Variants in BCLAF3 observed in about 807,000 individuals in gnomAD.
The protein encoded by BCLAF3 is BCLAF1 and THRAP3 family member 3.
BCLAF3 carries 24 observed loss-of-function variants against 51.2 expected under a neutral mutation model. The observed-to-expected ratio is 0.47, with a 90% CI of 0.34 to 0.66. BCLAF3 has a LOEUF of 0.66. Ranked by LOEUF, BCLAF3 falls within the 30% of genes least tolerant of loss-of-function variation. The pLI, the probability that BCLAF3 is intolerant of heterozygous loss-of-function variation, is 0.01. For synonymous variants in BCLAF3, 152 were observed against 176.6 expected, an observed-to-expected ratio of 0.86 and a Z score of 1.10; for missense variants, 465 against 525.1, an observed-to-expected ratio of 0.89 and a Z score of 1.12.
intron 8 of BCLAF3, among the ~76,000 whole-genome samples, chrX:19,940,138 T>C (rs1318322544): frequency 8.9e-6 from 1 of 112,292 alleles, no homozygotes; most frequent in African/African-American, 3.2e-5. Context: ...TATTTGATTT[T>C]TGACCAGGCA....
chrX:19,966,809 G>A (rs1849299836), intron 2 of BCLAF3, among the ~76,000 whole-genome samples, 160 bp from the exon 3 acceptor site: 1 of 110,918 alleles, frequency 9.0e-6, no homozygotes, highest in Non-Finnish European at 1.9e-5. Context: ...TGTACATCTG[G>A]GGGTCTGATT....
intron 7 of BCLAF3, among the ~76,000 whole-genome samples, chrX:19,952,177 A>T (rs1157067675): frequency 2.7e-5 from 3 of 111,920 alleles, no homozygotes; most frequent in Non-Finnish European, 5.6e-5. Context: ...TGAGTATAGG[A>T]CTTTGATGAT....
At chrX:19,936,803 G>C (rs2070778308) in intron 9 of BCLAF3, among the ~76,000 whole-genome samples, 1 of 111,407 alleles carries the variant, frequency 9.0e-6, no homozygotes, top group Non-Finnish European at 1.9e-5. Flanking sequence ...AGTGTTGGTT[G>C]GGGGTGGCAA....
chrX:19,989,918 C>A (rs2072896252), intron 1 of BCLAF3, among the ~76,000 whole-genome samples: 1 of 109,370 alleles, frequency 9.1e-6, no homozygotes. Context: ...ATTTTAGTAG[C>A]CATTTAAAAA....
chrX:19,982,549 T>TCA (rs60433883), intron 1 of BCLAF3, among the ~76,000 whole-genome samples: 1,577 of 97,161 alleles, frequency 0.016, 9 homozygotes, highest in South Asian at 0.054. Flanking sequence ...AGATGCAATT[T>TCA]CACACACACA....
Position 19,935,732 on chromosome X carries a change from GAT to G in BCLAF3, c.1950+75_1950+76del, listed in dbSNP as rs1173853845. ...GAAAGCATATTACAAAACAGCTCTT[GAT>G]TTACTAACACTTAAAACATTGTGTC... On this transcript the variant is annotated intron_variant, in intron 10 of 11. Coordinates refer to ENST00000379682, the MANE Select transcript of BCLAF3 (RefSeq NM_001367774.2). 3.7e-6 allele frequency: 3 copies of G among 817,180 alleles called. No homozygotes were observed. The African/African-American group carries it at 6.2e-5, about 17-fold the overall frequency. 67.3% of individuals were successfully genotyped at this position (817,180 alleles called of 1,213,427 possible).
chrX:19,952,338 T>C (rs1303052120), intron 7 of BCLAF3, among the ~76,000 whole-genome samples: 1 of 110,223 alleles, frequency 9.1e-6, no homozygotes, highest in Non-Finnish European at 1.9e-5. Context: ...CTCTTTATCC[T>C]CAATGAATAA....
intron 1 of BCLAF3, among the ~76,000 whole-genome samples, chrX:19,974,261 C>T (rs1001430828): frequency 1.8e-5 from 2 of 112,477 alleles, no homozygotes; most frequent in Non-Finnish European, 3.8e-5. Context: ...CCAATAAAGT[C>T]GAACATGCCC....
At chrX:19,937,586 A>C in intron 8 of BCLAF3, 54 bp from the exon 9 acceptor site, 1 of 641,043 alleles carries the variant, frequency 1.6e-6, no homozygotes, top group Non-Finnish European at 2.4e-6. Context: ...CTTTTTTTCC[A>C]AGAAATAAAC....
intron 4 of BCLAF3, among the ~76,000 whole-genome samples, chrX:19,961,209 C>T (rs2071843286): frequency 8.9e-6 from 1 of 112,610 alleles, no homozygotes; most frequent in Non-Finnish European, 1.9e-5. Context: ...TAGAAATTTT[C>T]ATACTGTGAT....
intron 8 of BCLAF3, 108 bp downstream of exon 8, chrX:19,950,644 AG>A (rs2071447053): frequency 1.0e-5 from 5 of 486,611 alleles, no homozygotes; most frequent in Non-Finnish European, 1.7e-5. Flanking sequence ...ATGGATTTGA[AG>A]GAGCAAATCC....
chrX:19,925,700 T>C (rs1018179518), intron 11 of BCLAF3, among the ~76,000 whole-genome samples: 1 of 111,939 alleles, frequency 8.9e-6, no homozygotes, highest in African/African-American at 3.2e-5. Context: ...GTCCCTCATT[T>C]AAGGGAAACG....
chrX:19,963,233 G>A (rs1363579681), intron 4 of BCLAF3, among the ~76,000 whole-genome samples: 39 of 98,397 alleles, frequency 4.0e-4, no homozygotes, highest in Admixed American at 1.0e-3. Context: ...AGGCTGGGGT[G>A]CAGTGGCATG....
chrX:19,917,143 T>C lies in BCLAF3; in HGVS notation c.*162A>G. 4 of 500,556 alleles carry C rather than the reference T, an allele frequency of 8.0e-6. No homozygotes were observed. Among genetic ancestry groups the C allele is most frequent in the Non-Finnish European group, 6.9e-6 (2 of 288,541 alleles). 41.3% of individuals were successfully genotyped at this position (500,556 alleles called of 1,213,427 possible). ...AATACTGTAATTTAAAAGCAATTGT[T>C]AGGTGTAAAAAAGTTGCAGCATTCC... On this transcript the variant is annotated 3_prime_UTR_variant, in exon 12 of 12. Coordinates refer to ENST00000379682, the MANE Select transcript of BCLAF3 (RefSeq NM_001367774.2).
At chrX:19,972,027 A>G (rs1322719104) in intron 1 of BCLAF3, among the ~76,000 whole-genome samples, 1 of 112,343 alleles carries the variant, frequency 8.9e-6, no homozygotes, top group African/African-American at 3.2e-5. Context: ...AACTTGAACT[A>G]GATCACTCAT....
In BCLAF3 at chrX:19,966,085, C is replaced by A. The variant is rs759850655; in HGVS notation, c.606G>T (p.Gln202His). Residue 202 changes from glutamine (Q) to histidine (H), a missense_variant, in exon 3 of 12, where the codon CAG (glutamine) becomes CAT (histidine). Transcript: ENST00000379682. ...SEDFETRSSF[Q>H]KRYPEDRDFR... ...GGTTTAATGTTTTCCTATACCTCTT[C>A]TGAAATGAGCTCCTTGTCTCAAAGT... 2.5e-6 allele frequency: 3 copies of A among 1,205,303 alleles called. No individual in the cohort carries two copies. Among genetic ancestry groups the A allele is most frequent in the Middle Eastern group, 2.3e-4 (1 of 4,318 alleles).
Position 19,965,221 on chromosome X carries a change from T to C in BCLAF3, c.1097A>G (p.Asn366Ser), listed in dbSNP as rs368472068. The change falls in exon 4 of 12, where the codon AAT becomes AGT. Residue 366 changes from asparagine to serine, a missense_variant. Coordinates refer to ENST00000379682, the MANE Select transcript of BCLAF3 (RefSeq NM_001367774.2). ...CTTTATTTTTTCCTTCCATTTGTCA[T>C]TACTAGATCGCAAATCAACATCATT... is the stretch of plus-strand genomic sequence containing the variant. ...NKNDVDLRSS[N>S]DKWKEKIKKE... is the part of the protein sequence containing the mutation. The C allele has an allele frequency of 3.3e-6, 4 of 1,205,651 alleles. No individual in the cohort carries two copies. The African/African-American group carries it at 7.1e-5, about 21-fold the overall frequency.
At chrX:19,947,007 A>G (rs2071331745) in intron 8 of BCLAF3, among the ~76,000 whole-genome samples, 1 of 112,537 alleles carries the variant, frequency 8.9e-6, no homozygotes, top group African/African-American at 3.2e-5. Flanking sequence ...CTGCTATTAA[A>G]TTATAAGTAA....
At chrX:19,963,260 G>T (rs2071926903) in intron 4 of BCLAF3, among the ~76,000 whole-genome samples, 1 of 100,774 alleles carries the variant, frequency 9.9e-6, no homozygotes, top group African/African-American at 3.6e-5. Flanking sequence ...GCTCACTGCA[G>T]CCTCAAACTC....
Sources: allele counts gnomAD v4.1 joint callset (sites outside exome capture counted in the v4.1 genomes callset), GRCh38; gene constraint gnomAD v4.1.1; transcripts MANE v1.5; gene names NCBI Gene and HGNC (gene_info 2026-07-23, HGNC 2026-07-21).